The following AGAP1 variants were observed in gnomAD, a reference collection of about 807,000 sequenced individuals.
AGAP1 encodes the protein arf-GAP with GTPase, ANK repeat and PH domain-containing protein 1.
In AGAP1, 29 loss-of-function variants were observed where a neutral mutation model predicts 105.3. That is an observed-to-expected ratio of 0.28 (90% CI 0.21 to 0.38). The LOEUF is 0.38. Among genes scored for constraint, AGAP1 ranks in the 10% least tolerant of loss-of-function variants. AGAP1 has a pLI of 1.00. For missense variants in AGAP1, 998 were observed against 1,165.1 expected, an observed-to-expected ratio of 0.86 and a Z score of 2.09; for synonymous variants, 509 against 485.9, an observed-to-expected ratio of 1.05 and a Z score of -0.63.
intron 1 of AGAP1, among the ~76,000 whole-genome samples, chr2:235,576,880 A>C (rs558563993): frequency 2.0e-5 from 3 of 152,172 alleles, no homozygotes; most frequent in Non-Finnish European, 4.4e-5. Flanking sequence ...GGACAATTCT[A>C]ATGGCCTCTC....
intron 9 of AGAP1, among the ~76,000 whole-genome samples, chr2:235,868,581 A>G (rs995291163): frequency 2.6e-5 from 4 of 152,192 alleles, no homozygotes; most frequent in Non-Finnish European, 5.9e-5. Flanking sequence ...GGCCGGCACC[A>G]TTTGGTCCCT....
chr2:235,798,406 A>T (rs1297017803), intron 7 of AGAP1, among the ~76,000 whole-genome samples: 2 of 152,216 alleles, frequency 1.3e-5, no homozygotes, highest in Non-Finnish European at 2.9e-5. Flanking sequence ...CTCCTAAGGA[A>T]ACAGTTGACT....
rs138747219 is a variant in AGAP1, at chr2:235,496,347, C to T, written c.163+1498C>T. 2.9e-3 allele frequency among the ~76,000 whole-genome samples: 449 copies of T among 152,280 alleles called. 5 individuals carry two copies. Among genetic ancestry groups the T allele is most frequent in the African/African-American group, 0.01 (426 of 41,548 alleles). ...GGTGACTTAAGATGCTCTGTGGATT[C>T]CTCAAGAGATGGGCTCTGTCTGCCT... is the stretch of plus-strand genomic sequence containing the variant. On this transcript the variant is annotated intron_variant, in intron 1 of 17. Coordinates refer to ENST00000304032, the MANE Select transcript of AGAP1 (RefSeq NM_001037131.3).
intron 16 of AGAP1, among the ~76,000 whole-genome samples, chr2:236,075,921 C>A (rs192511047): frequency 3.3e-5 from 5 of 152,328 alleles, no homozygotes; most frequent in African/African-American, 1.2e-4. Context: ...TTAGAGCAAA[C>A]CTCCGCAGGG....
chr2:235,949,444 A>C (rs1197689570), intron 12 of AGAP1, among the ~76,000 whole-genome samples: 1 of 152,162 alleles, frequency 6.6e-6, no homozygotes, highest in African/African-American at 2.4e-5. Context: ...GCTGAAAAAT[A>C]CCATGAAATT....
In AGAP1 at chr2:236,116,357, C is replaced by CTTTTTTTTTTTTTTTT. The variant is rs371846381; in HGVS notation, c.2115-3825_2115-3824insTTTTTTTTTTTTTTTT. The stretch of plus-strand genomic sequence containing the variant: ...CAGGTGGTATTTGGTTAATTAAGTT[C>CTTTTTTTTTTTTTTTT]TTTTTTTTTTGAGAGAGAGTTTTGC... On this transcript the variant is annotated intron_variant, in intron 16 of 17. Transcript: ENST00000304032. Among the ~76,000 whole-genome samples, 348 of 129,030 alleles carry CTTTTTTTTTTTTTTTT rather than the reference C, an allele frequency of 2.7e-3. 17 individuals carry two copies. The highest frequency in any genetic ancestry group is 2.3e-3 in the Non-Finnish European group (138 of 60,402). The allele number at this position is 129,030 out of a possible 152,430, so 84.6% of individuals were successfully genotyped here. A position where few individuals can be genotyped will look rare whatever the true frequency, so the allele number is the denominator to read the frequency against.
rs1948373811 is a variant in AGAP1, at chr2:235,670,888, G to A, written c.164-38291G>A. On this transcript the variant is annotated intron_variant, in intron 1 of 17. Coordinates refer to ENST00000304032, the MANE Select transcript of AGAP1 (RefSeq NM_001037131.3). ...GGGCCGGCGCGGCCTCGGAGCACCG[G>A]CTGCTGCGCTTCTTCAGCGGCATCT... The A allele has an allele frequency of 3.0e-6, 4 of 1,351,142 alleles. No homozygotes were observed. The South Asian group carries it at 5.6e-5, about 19-fold the overall frequency. 83.7% of individuals were successfully genotyped at this position (1,351,142 alleles called of 1,614,324 possible).
In AGAP1 at chr2:235,879,344, T is replaced by C. The variant is rs2049897891; in HGVS notation, c.1051-4001T>C. On this transcript the variant is annotated intron_variant, in intron 9 of 17. Transcript: ENST00000304032. This position sits in a 1 kb window ranked among gnomAD's most constrained non-coding sequence, Gnocchi z 5.0. Reference sequence around the variant, plus strand: ...GCAAGCGGGGCAGCCAAGTGGCTCTTGGTCGCCACAGCAATTCTTGGGGGG... The same window carrying C: ...GCAAGCGGGGCAGCCAAGTGGCTCTCGGTCGCCACAGCAATTCTTGGGGGG... 6.6e-6 allele frequency among the ~76,000 whole-genome samples: 1 copy of C among 152,162 alleles called. No individual in the cohort carries two copies. Among genetic ancestry groups the C allele is most frequent in the South Asian group, 2.1e-4 (1 of 4,832 alleles).
rs2057532792 is a variant in AGAP1, at chr2:236,040,971, T to C, written c.1891+130T>C. On this transcript the variant is annotated intron_variant, in intron 15 of 17. Coordinates refer to ENST00000304032, the MANE Select transcript of AGAP1 (RefSeq NM_001037131.3). This position sits in a 1 kb window ranked among gnomAD's most constrained non-coding sequence, Gnocchi z 5.6. Reference sequence around the variant, plus strand: ...ATAAGAGTTAACTGCTTTTAGGAAATTGAGATATTTTGTTTGGATTTTACC... The same window carrying C: ...ATAAGAGTTAACTGCTTTTAGGAAACTGAGATATTTTGTTTGGATTTTACC... 3.4e-6 allele frequency: 3 copies of C among 882,268 alleles called. No homozygotes were observed. The highest frequency in any genetic ancestry group is 3.4e-5 in the African/African-American group (2 of 59,594). 54.7% of individuals were successfully genotyped at this position (882,268 alleles called of 1,614,324 possible). A position where few individuals can be genotyped will look rare whatever the true frequency, so the allele number is the denominator to read the frequency against.
intron 1 of AGAP1, among the ~76,000 whole-genome samples, chr2:235,668,152 A>G (rs1410993038): frequency 2.0e-5 from 3 of 152,148 alleles, no homozygotes; most frequent in Non-Finnish European, 4.4e-5. Context: ...TCGAGGCCAC[A>G]GAGGGTGCTC....
rs895211324 is a variant in AGAP1, at chr2:235,835,835, G to A, written c.1050+28504G>A. Among the ~76,000 whole-genome samples the A allele has an allele frequency of 3.9e-5, 6 of 152,320 alleles. No homozygotes were observed. The East Asian group carries it at 1.2e-3, about 29-fold the overall frequency. ...TGATACTGCTTCTTAGACAAAGAAG[G>A]CGGCTAACAAGAGCCAACCACTGAC... On this transcript the variant is annotated intron_variant, in intron 9 of 17. Transcript: ENST00000304032.
Position 235,900,878 on chromosome 2 carries a change from T to C in AGAP1, c.1156-7860T>C, listed in dbSNP as rs976033409. Among the ~76,000 whole-genome samples, 10 of 152,218 alleles carry C rather than the reference T, an allele frequency of 6.6e-5. No homozygotes were observed. The highest frequency in any genetic ancestry group is 9.6e-5 in the African/African-American group (4 of 41,452). On this transcript the variant is annotated intron_variant, in intron 10 of 17. Transcript: ENST00000304032. This position sits in a 1 kb window ranked among gnomAD's most constrained non-coding sequence, Gnocchi z 5.5. ...CAGGTAGTCTTCAGGAACGCAGTTC[T>C]GAAAGTGAAACACTGGAATGCTTTT...
At position 235,701,061 on chromosome 2, in the gene AGAP1, T is replaced by C. The variant is rs58109482; in HGVS notation, c.164-8118T>C. Among the ~76,000 whole-genome samples, 507 of 27,662 alleles carry C rather than the reference T, an allele frequency of 0.018. 22 individuals carry two copies. Among genetic ancestry groups the C allele is most frequent in the South Asian group, 0.049 (17 of 350 alleles). 18.1% of individuals were successfully genotyped at this position (27,662 alleles called of 152,430 possible). On this transcript the variant is annotated intron_variant, in intron 1 of 17. Coordinates refer to ENST00000304032, the MANE Select transcript of AGAP1 (RefSeq NM_001037131.3). The surrounding 1 kb of genome is among the most constrained non-coding windows in gnomAD (Gnocchi z 4.1). The stretch of plus-strand genomic sequence containing the variant: ...TATAGTTATATGTATATATTATATA[T>C]GCTATAATATAGTTATATGTATATA...
Position 236,045,804 on chromosome 2 carries a change from A to G in AGAP1, c.1892-3255A>G, listed in dbSNP as rs977254543. 2.6e-6 allele frequency: 1 copy of G among 385,570 alleles called. No individual in the cohort carries two copies. The highest frequency in any genetic ancestry group is 2.1e-5 in the African/African-American group (1 of 47,832). 23.9% of individuals were successfully genotyped at this position (385,570 alleles called of 1,614,324 possible). A position where few individuals can be genotyped will look rare whatever the true frequency, so the allele number is the denominator to read the frequency against. The stretch of plus-strand genomic sequence containing the variant: ...GATGCTTAGATACCAACCCTTGCCG[A>G]TGAGTCATTCTCTGCTGGAGCGGAG... On this transcript the variant is annotated intron_variant, in intron 15 of 17. Coordinates refer to ENST00000304032, the MANE Select transcript of AGAP1 (RefSeq NM_001037131.3). The surrounding 1 kb of genome is among the most constrained non-coding windows in gnomAD (Gnocchi z 6.9).
chr2:236,051,150 GT>G lies in AGAP1; in HGVS notation c.2114+1870del, dbSNP rs2057883472. On this transcript the variant is annotated intron_variant, in intron 16 of 17. Transcript: ENST00000304032. The surrounding 1 kb of genome is among the most constrained non-coding windows in gnomAD (Gnocchi z 5.9). ...ATTCCTCTCCAAGACTGTGGTGTTG[GT>G]GATGTGGTTCTGTGCTGTTGCTGAA... Among the ~76,000 whole-genome samples the G allele has an allele frequency of 1.3e-5, 2 of 152,214 alleles. No individual in the cohort carries two copies. The highest frequency in any genetic ancestry group is 1.3e-4 in the Admixed American group (2 of 15,272).
In AGAP1 at chr2:235,704,971, T is replaced by C. The variant is rs1424097501; in HGVS notation, c.164-4208T>C. Among the ~76,000 whole-genome samples, 66 of 41,334 alleles carry C rather than the reference T, an allele frequency of 1.6e-3. 3 individuals are homozygous for C. Among genetic ancestry groups the C allele is most frequent in the African/African-American group, 9.6e-3 (62 of 6,478 alleles). 27.1% of individuals were successfully genotyped at this position (41,334 alleles called of 152,430 possible). ...TGTAAAATACAAGATGCTTTTTTCTTTTTTTTTTTTTTTTTTTTTTTTTTT... is the reference window on the plus strand; with the variant it reads ...TGTAAAATACAAGATGCTTTTTTCTCTTTTTTTTTTTTTTTTTTTTTTTTT... On this transcript the variant is annotated intron_variant, in intron 1 of 17. Transcript: ENST00000304032.
rs1246990344 is a variant in AGAP1, at chr2:235,908,520, T to C, written c.1156-218T>C. On this transcript the variant is annotated intron_variant, in intron 10 of 17. Coordinates refer to ENST00000304032, the MANE Select transcript of AGAP1 (RefSeq NM_001037131.3). The surrounding 1 kb of genome is among the most constrained non-coding windows in gnomAD (Gnocchi z 4.4). ...TGTCTCTCCTTACATCTCTAGGTCC[T>C]GGATTAGTTCAGGACACAGAAGCAA... Among the ~76,000 whole-genome samples the C allele has an allele frequency of 6.6e-6, 1 of 152,120 alleles. No individual in the cohort carries two copies. The highest frequency in any genetic ancestry group is 2.4e-5 in the African/African-American group (1 of 41,424).
intron 1 of AGAP1, among the ~76,000 whole-genome samples, chr2:235,694,653 GA>G (rs796192262): frequency 0.033 from 4,724 of 143,460 alleles, 239 homozygotes; most frequent in African/African-American, 0.11. Context: ...GCCTCAGGGA[GA>G]AAAAAAAAAA....
chr2:235,969,151 G>A (rs2054532473), intron 13 of AGAP1, among the ~76,000 whole-genome samples: 1 of 152,142 alleles, frequency 6.6e-6, no homozygotes, highest in Non-Finnish European at 1.5e-5. Flanking sequence ...TATTCCAGTT[G>A]TCACAGCTCA....
Sources: gnomAD v4.1 joint callset for allele counts (sites outside exome capture counted in the v4.1 genomes callset) on GRCh38, gnomAD v4.1.1 for gene constraint, Gnocchi (gnomAD v3.1) non-coding constraint, MANE v1.5 for transcripts, NCBI Gene and HGNC (gene_info 2026-07-23, HGNC 2026-07-21) for gene names.